The following BLTP3A variants were observed in gnomAD, a reference collection of about 807,000 sequenced individuals.
BLTP3A encodes the protein bridge-like lipid transfer protein family member 3A, also known as ICBP90 binding protein 1.
the BLTP3A span, chr6:34,834,474 ATAT>A: frequency 1.3e-6 from 2 of 1,574,578 alleles, no homozygotes; most frequent in Non-Finnish European, 1.7e-6. Flanking sequence ...TTCTTAAAGG[ATAT>A]TATTCCCATT....
the BLTP3A span, among the ~76,000 whole-genome samples, chr6:34,795,770 T>A: frequency 6.6e-6 from 1 of 152,178 alleles, no homozygotes; most frequent in Non-Finnish European, 1.5e-5. Flanking sequence ...ACACAGTGCC[T>A]TTTTTATTAA....
At chr6:34,836,973 A>G in the BLTP3A span, among the ~76,000 whole-genome samples, 2 of 152,248 alleles carry the variant, frequency 1.3e-5, no homozygotes. Context: ...GAGTTTCCAC[A>G]TTCGTGAAAT....
the BLTP3A span, chr6:34,834,305 G>A: frequency 2.5e-5 from 41 of 1,613,924 alleles, no homozygotes; most frequent in Non-Finnish European, 3.1e-5. Flanking sequence ...GGCCTTCCAC[G>A]CTTCTTTTGA....
At chr6:34,847,192 T>C in the BLTP3A span, among the ~76,000 whole-genome samples, 1 of 152,142 alleles carries the variant, frequency 6.6e-6, no homozygotes. Context: ...TGCATCAGTG[T>C]TCATCAGGAA....
At chr6:34,805,592 CAAAA>C in the BLTP3A span, among the ~76,000 whole-genome samples, 2 of 96,120 alleles carry the variant, frequency 2.1e-5, no homozygotes, top group Admixed American at 1.2e-4. Context: ...GACTTGGTCT[CAAAA>C]AAAAAAAAAA....
At chr6:34,817,414 T>A in the BLTP3A span, among the ~76,000 whole-genome samples, 1 of 152,210 alleles carries the variant, frequency 6.6e-6, no homozygotes, top group Non-Finnish European at 1.5e-5. Flanking sequence ...AGTAAAAGTA[T>A]GTGTAAGGGC....
chr6:34,858,255 T>C, the BLTP3A span: 4 of 1,614,098 alleles, frequency 2.5e-6, no homozygotes, highest in Admixed American at 1.7e-5. Context: ...ACCTCCAGAG[T>C]CTCTTCCGGG....
At chr6:34,856,538 T>G in the BLTP3A span, 6 of 1,304,570 alleles carry the variant, frequency 4.6e-6, no homozygotes, top group African/African-American at 9.0e-5. Flanking sequence ...ATCAGTGACT[T>G]TTTTCTTTAC....
chr6:34,821,440 G>A, the BLTP3A span: 8 of 408,238 alleles, frequency 2.0e-5, no homozygotes, highest in Non-Finnish European at 3.1e-5. Flanking sequence ...GAGTGCATTT[G>A]TTCTGGCTGG....
chr6:34,875,751 A>G, the BLTP3A span: 1 of 152,218 alleles, frequency 6.6e-6, no homozygotes, highest in South Asian at 2.1e-4. Flanking sequence ...ATGGGATTTT[A>G]GTAAAAATCA....
At chr6:34,868,374 G>T in the BLTP3A span, among the ~76,000 whole-genome samples, 4 of 151,196 alleles carry the variant, frequency 2.6e-5, no homozygotes, top group African/African-American at 9.7e-5. Context: ...ATCCCAGCAC[G>T]CTGGGAAGCT....
chr6:34,834,774 T>C, the BLTP3A span: 1 of 1,614,216 alleles, frequency 6.2e-7, no homozygotes, highest in Non-Finnish European at 8.5e-7. Flanking sequence ...AGGCAGATGC[T>C]ACAGACAATG....
At chr6:34,855,600 G>A in the BLTP3A span, 7 of 1,612,300 alleles carry the variant, frequency 4.3e-6, no homozygotes, top group East Asian at 1.3e-4. Flanking sequence ...CCATTCACCT[G>A]TATTTTTATT....
chr6:34,834,892 TC>T, the BLTP3A span: 2 of 1,602,450 alleles, frequency 1.2e-6, no homozygotes, highest in Non-Finnish European at 1.7e-6. Flanking sequence ...CATGAAAACT[TC>T]CATCTCTTAT....
chr6:34,863,955 A>ATGTC, the BLTP3A span: 6 of 1,524,942 alleles, frequency 3.9e-6, no homozygotes, highest in South Asian at 5.2e-5. Context: ...GGGAATAAAC[A>ATGTC]TGTCTCCAAA....
the BLTP3A span, among the ~76,000 whole-genome samples, chr6:34,798,213 G>A: frequency 6.6e-6 from 1 of 152,198 alleles, no homozygotes; most frequent in Admixed American, 6.5e-5. Context: ...TCCATATTTT[G>A]CATCAAGTTG....
chr6:34,871,488 C>A, the BLTP3A span: 2 of 1,222,238 alleles, frequency 1.6e-6, no homozygotes, highest in South Asian at 2.6e-5. Context: ...GACAAACTGG[C>A]ATAAAGCTGC....
chr6:34,817,882 C>T, the BLTP3A span, among the ~76,000 whole-genome samples: 12 of 147,702 alleles, frequency 8.1e-5, no homozygotes, highest in African/African-American at 3.0e-4. Flanking sequence ...GGGGTGGAGT[C>T]TCGCTCTGTC....
the BLTP3A span, chr6:34,858,617 C>G: frequency 6.2e-7 from 1 of 1,614,142 alleles, no homozygotes; most frequent in Non-Finnish European, 8.5e-7. Flanking sequence ...AAACCATCAG[C>G]CAGTTTTGGA....
Sources: gnomAD v4.1 joint callset for allele counts (sites outside exome capture counted in the v4.1 genomes callset) on GRCh38, gnomAD v4.1.1 for gene constraint, MANE v1.5 for transcripts, NCBI Gene and HGNC (gene_info 2026-07-23, HGNC 2026-07-21) for gene names.